The following ZFHX3 variants were observed in gnomAD, a reference collection of about 807,000 sequenced individuals.
ZFHX3 encodes the protein zinc finger homeobox 3.
Under a neutral mutation model 279.1 loss-of-function variants are expected in ZFHX3, and 42 were observed. The observed-to-expected ratio is 0.15, with a 90% CI of 0.12 to 0.19. ZFHX3 has a LOEUF of 0.19. Among genes scored for constraint, ZFHX3 ranks in the 10% least tolerant of loss-of-function variants. The pLI is 1.00. For synonymous variants in ZFHX3, 2,293 were observed against 1,957.8 expected (o/e 1.17, Z -4.52); for missense variants, 4,981 against 4,754.0 (o/e 1.05, Z -1.40).
intron 5 of ZFHX3, among the ~76,000 whole-genome samples, chr16:73,197,547 T>C (rs1418308064): frequency 6.6e-6 from 1 of 152,220 alleles, no homozygotes; most frequent in Non-Finnish European, 1.5e-5. Flanking sequence ...AAGCGGATAA[T>C]TCAAACCACC....
intron 3 of ZFHX3, among the ~76,000 whole-genome samples, chr16:73,329,837 G>A (rs1215527627): frequency 2.6e-5 from 4 of 152,246 alleles, no homozygotes; most frequent in Non-Finnish European, 5.9e-5. Flanking sequence ...TGGGAAAGGC[G>A]AGTGTGAATT....
chr16:72,834,549 G>GC (rs2037138567), intron 4 of ZFHX3, among the ~76,000 whole-genome samples: 1 of 152,208 alleles, frequency 6.6e-6, no homozygotes, highest in African/African-American at 2.4e-5. Flanking sequence ...CTTATACTTA[G>GC]CATCTTGGTA....
intron 1 of ZFHX3, among the ~76,000 whole-genome samples, chr16:73,798,118 C>T (rs958941831): frequency 1.4e-4 from 21 of 152,026 alleles, no homozygotes; most frequent in Admixed American, 1.4e-3. Flanking sequence ...CCTTCTGAGA[C>T]TTTCAGTAAC....
rs1441424120 is a variant in ZFHX3 at position 72,908,522 on chromosome 16, AT to A, written c.3217-18561del. ...CCTAGGACTGACTACACAAAGAGGA[AT>A]TGATTACTTGATCGTCCGTTCACTT... On this transcript the variant is annotated intron_variant, in intron 3 of 9. Transcript: ENST00000268489. Among the ~76,000 whole-genome samples the A allele has an allele frequency of 2.0e-5, 3 of 152,318 alleles. No individual in the cohort carries two copies. The East Asian group carries it at 5.8e-4, about 29-fold the overall frequency.
intron 4 of ZFHX3, among the ~76,000 whole-genome samples, chr16:72,858,614 T>C (rs1341390220): frequency 6.6e-6 from 1 of 152,236 alleles, no homozygotes; most frequent in Non-Finnish European, 1.5e-5. Context: ...ACACTTTTAA[T>C]GCTCATAAGA....
intron 2 of ZFHX3, among the ~76,000 whole-genome samples, chr16:73,642,859 G>C (rs1182369126): frequency 6.6e-6 from 1 of 152,146 alleles, no homozygotes; most frequent in Non-Finnish European, 1.5e-5. Flanking sequence ...ATCAACGGCA[G>C]ACCCAAAATG....
intron 2 of ZFHX3, among the ~76,000 whole-genome samples, chr16:73,599,059 C>G (rs1453887269): frequency 6.6e-6 from 1 of 152,230 alleles, no homozygotes; most frequent in Non-Finnish European, 1.5e-5. Flanking sequence ...CCACGCCCGG[C>G]CTTTGAATAC....
chr16:73,007,309 G>A (rs1458958036), intron 1 of ZFHX3, among the ~76,000 whole-genome samples: 1 of 152,130 alleles, frequency 6.6e-6, no homozygotes, highest in African/African-American at 2.4e-5. Flanking sequence ...TGCTAGCTTT[G>A]TCAAATCAAC....
intron 2 of ZFHX3, among the ~76,000 whole-genome samples, chr16:73,600,560 G>A (rs536380411): frequency 1.2e-4 from 19 of 152,040 alleles, no homozygotes; most frequent in African/African-American, 4.1e-4. Context: ...TGGGACTACA[G>A]GCGCCCGCCA....
chr16:72,935,067 A>C (rs1194314264), intron 3 of ZFHX3, among the ~76,000 whole-genome samples: 1 of 152,246 alleles, frequency 6.6e-6, no homozygotes, highest in Non-Finnish European at 1.5e-5. Context: ...AATATACAGA[A>C]TATCTAGCTA....
intron 6 of ZFHX3, among the ~76,000 whole-genome samples, chr16:73,141,633 A>G (rs1966848067): frequency 6.6e-6 from 1 of 152,136 alleles, no homozygotes; most frequent in South Asian, 2.1e-4. Context: ...CCTGGGCTCA[A>G]GCGATCCTCC....
intron 7 of ZFHX3, among the ~76,000 whole-genome samples, chr16:72,806,256 G>T (rs1381133814): frequency 2.6e-5 from 4 of 152,174 alleles, no homozygotes; most frequent in African/African-American, 9.7e-5. Context: ...TAACATTCAT[G>T]TAGGCTGGAA....
chr16:73,462,863 G>T (rs550337209), intron 2 of ZFHX3, among the ~76,000 whole-genome samples: 59 of 152,034 alleles, frequency 3.9e-4, no homozygotes, highest in Non-Finnish European at 5.7e-4. Context: ...GGGGCATACT[G>T]GTCTGTAGTT....
At chr16:72,982,065 T>C (rs1962627698) in intron 1 of ZFHX3, among the ~76,000 whole-genome samples, 3 of 151,908 alleles carry the variant, frequency 2.0e-5, no homozygotes, top group Non-Finnish European at 1.5e-5. Context: ...GTATTTTTAG[T>C]AGAGACAGGG....
At chr16:73,423,013 C>T (rs1056853489) in intron 3 of ZFHX3, among the ~76,000 whole-genome samples, 15 of 152,134 alleles carry the variant, frequency 9.9e-5, no homozygotes, top group Admixed American at 2.0e-4. Flanking sequence ...ATGGTCTTCC[C>T]TCTGAGTCCT....
At chr16:73,869,510 C>G (rs1285388317) in intron 1 of ZFHX3, among the ~76,000 whole-genome samples, 1 of 152,146 alleles carries the variant, frequency 6.6e-6, no homozygotes, top group Non-Finnish European at 1.5e-5. Flanking sequence ...AAGGGATTGC[C>G]CATGCAAAAG....
chr16:72,950,677 C>A lies in ZFHX3; in HGVS notation c.3008G>T (p.Cys1003Phe). The change falls in exon 3 of 10, where the codon TGC becomes TTC. Residue 1003 changes from cysteine to phenylalanine, a missense_variant. Cys to Phe is a radical substitution (Grantham distance 205). Transcript: ENST00000268489. Reference protein sequence around the residue: ...TQLKANFQLHCKTDKHVQKYQ... With the variant: ...TQLKANFQLHFKTDKHVQKYQ... ...CTTCTGCACGTGCTTGTCTGTCTTG[C>A]AGTGCAGCTGGAAGTTGGCCTTGAG... The A allele has an allele frequency of 6.2e-7, 1 of 1,614,230 alleles. No homozygotes were observed. Among genetic ancestry groups the A allele is most frequent in the Non-Finnish European group, 8.5e-7 (1 of 1,180,032 alleles).
chr16:73,166,216 T>C (rs1356555858), intron 5 of ZFHX3, among the ~76,000 whole-genome samples: 2 of 152,072 alleles, frequency 1.3e-5, no homozygotes, highest in African/African-American at 4.8e-5. Context: ...CAAATGGATA[T>C]GTGAAAATGG....
chr16:73,507,403 C>G (rs1331426519), intron 2 of ZFHX3, among the ~76,000 whole-genome samples: 2 of 150,448 alleles, frequency 1.3e-5, no homozygotes, highest in South Asian at 4.2e-4. Flanking sequence ...AAACCAGGTA[C>G]TTTGTGTCCC....
Sources: allele counts gnomAD v4.1 joint callset (sites outside exome capture counted in the v4.1 genomes callset), GRCh38; gene constraint gnomAD v4.1.1; transcripts MANE v1.5; gene names NCBI Gene and HGNC (gene_info 2026-07-23, HGNC 2026-07-21).